The following PLA2G4E variants were observed in gnomAD, a reference collection of about 807,000 sequenced individuals.
PLA2G4E encodes cytosolic phospholipase A2 epsilon.
In PLA2G4E, 84 loss-of-function variants were observed where a neutral mutation model predicts 109.1. The ratio of observed to expected loss-of-function variants is 0.77; its 90% CI spans 0.65 to 0.92. The LOEUF (loss-of-function observed/expected upper bound fraction) is 0.92. Among genes scored for constraint, PLA2G4E ranks in the 40% least tolerant of loss-of-function variants. The pLI, the probability that PLA2G4E is intolerant of heterozygous loss-of-function variation, is 0.00. For synonymous variants in PLA2G4E, 469 were observed against 436.1 expected (o/e 1.08, Z -0.94); for missense variants, 1,057 against 1,076.6 (o/e 0.98, Z 0.25).
intron 2 of PLA2G4E, chr15:42,010,142 C>CCA: frequency 2.2e-6 from 1 of 454,254 alleles, no homozygotes; most frequent in Non-Finnish European, 4.4e-6. Context: ...GCCCCCCCAC[C>CCA]CCGGGCCTGG....
chr15:42,024,109 C>T (rs1193258297), intron 1 of PLA2G4E, among the ~76,000 whole-genome samples: 1 of 147,618 alleles, frequency 6.8e-6, no homozygotes, highest in Non-Finnish European at 1.5e-5. Flanking sequence ...GGTAAATTGG[C>T]CAGTGTGGGC....
In PLA2G4E at chr15:41,990,748, T is replaced by TC. The variant is rs1566836175; in HGVS notation, c.1471-514_1471-513insG. Reference sequence around the variant, plus strand: ...TCCCTCCCCTCCTCTTCCCTTCTTTTTTTTTTTTTTTTTTTTAACAAAAGA... The same window carrying TC: ...TCCCTCCCCTCCTCTTCCCTTCTTTTCTTTTTTTTTTTTTTTTAACAAAAGA... On this transcript the variant is annotated intron_variant, in intron 13 of 19. Coordinates refer to ENST00000399518, the Ensembl canonical transcript of PLA2G4E. 4.0e-4 allele frequency among the ~76,000 whole-genome samples: 53 copies of TC among 132,624 alleles called. 1 individual carries two copies. In the East Asian group the frequency reaches 0.011, roughly 28 times the overall value. 87.0% of individuals were successfully genotyped at this position (132,624 alleles called of 152,430 possible).
At chr15:41,984,499 C>T (rs370275817) in exon 19 of PLA2G4E, 21 of 1,613,812 alleles carry the variant, frequency 1.3e-5, no homozygotes, top group Admixed American at 5.0e-5. Flanking sequence ...ATGGGGGCAT[C>T]GGGTTCCTGG....
exon 20 of PLA2G4E, chr15:41,981,882 G>T (rs2068072407): frequency 6.6e-6 from 1 of 152,212 alleles, no homozygotes; most frequent in Admixed American, 6.5e-5. Context: ...AGTGGCTCAA[G>T]GGAGCACTGA....
chr15:41,987,179 C>T (rs1195110619), exon 17 of PLA2G4E: 1 of 1,613,660 alleles, frequency 6.2e-7, no homozygotes, highest in South Asian at 1.1e-5. Flanking sequence ...TACCTTTCCA[C>T]CTAGAGAACT....
At chr15:42,046,488 T>G (rs1303028529) in intron 1 of PLA2G4E, among the ~76,000 whole-genome samples, 1 of 152,242 alleles carries the variant, frequency 6.6e-6, no homozygotes. Flanking sequence ...TCTGGAATAC[T>G]TGCCATCAAT....
intron 12 of PLA2G4E, among the ~76,000 whole-genome samples, chr15:41,993,530 T>C (rs1234393722): frequency 2.0e-5 from 3 of 152,196 alleles, no homozygotes; most frequent in Non-Finnish European, 4.4e-5. Context: ...ACTGAGGATT[T>C]ATTTCCCTTT....
chr15:42,023,917 T>C (rs2068670627), intron 1 of PLA2G4E, among the ~76,000 whole-genome samples: 1 of 152,206 alleles, frequency 6.6e-6, no homozygotes, highest in South Asian at 2.1e-4. Flanking sequence ...ACATCCTCTG[T>C]GGTGCCTCTG....
chr15:42,016,746 G>A (rs114194127), intron 1 of PLA2G4E, among the ~76,000 whole-genome samples: 3 of 152,154 alleles, frequency 2.0e-5, no homozygotes, highest in African/African-American at 7.2e-5. Context: ...CTTAAAACCA[G>A]GACAAAAGTC....
At chr15:42,004,823 T>C (rs907074150) in intron 5 of PLA2G4E, 115 bp downstream of exon 5, 8 of 1,120,908 alleles carry the variant, frequency 7.1e-6, no homozygotes, top group Middle Eastern at 3.8e-4. Context: ...GTGCCAGGAG[T>C]GAGACTGGAA....
intron 13 of PLA2G4E, among the ~76,000 whole-genome samples, chr15:41,990,746 T>C (rs1167993709): frequency 1.9e-4 from 22 of 113,532 alleles, no homozygotes; most frequent in South Asian, 1.1e-3. Flanking sequence ...CTTCCCTTCT[T>C]TTTTTTTTTT....
rs866850951 is a variant in PLA2G4E at position 42,049,208 on chromosome 15, G to A, written c.183+1313C>T. On this transcript the variant is annotated intron_variant, in intron 1 of 19. Coordinates refer to ENST00000399518, the Ensembl canonical transcript of PLA2G4E. ...GAGACATCAAGGGAAACCCTGGGGC[G>A]GGGCTCTTGACCCCTCTTCACATGT... Among the ~76,000 whole-genome samples the A allele has an allele frequency of 8.7e-4, 132 of 152,156 alleles. 1 individual carries two copies. The highest frequency in any genetic ancestry group is 2.7e-3 in the African/African-American group (111 of 41,440).
exon 1 of PLA2G4E, chr15:42,050,575 G>T: frequency 6.4e-7 from 1 of 1,550,578 alleles, no homozygotes; most frequent in South Asian, 1.2e-5. Flanking sequence ...GAGTGTCCAG[G>T]TCCTGTGTAT....
chr15:42,041,951 G>A (rs944168511), intron 1 of PLA2G4E, among the ~76,000 whole-genome samples: 1 of 152,170 alleles, frequency 6.6e-6, no homozygotes, highest in East Asian at 1.9e-4. Flanking sequence ...TCTCATGGAC[G>A]GGGACAATGG....
At chr15:42,042,858 A>G (rs1429198980) in intron 1 of PLA2G4E, among the ~76,000 whole-genome samples, 1 of 152,224 alleles carries the variant, frequency 6.6e-6, no homozygotes, top group Non-Finnish European at 1.5e-5. Flanking sequence ...ACTGGAGCCC[A>G]GGCCAGCAGG....
At chr15:41,984,106 G>A (rs545000335) in intron 19 of PLA2G4E, 132 bp from the exon 20 acceptor site, 44 of 829,332 alleles carry the variant, frequency 5.3e-5, no homozygotes, top group Non-Finnish European at 7.7e-5. Flanking sequence ...CTGTACACAC[G>A]CACACCCTCA....
In PLA2G4E at chr15:42,006,134, G is replaced by T; in HGVS notation, c.394-13C>A. On this transcript the variant is annotated splice_polypyrimidine_tract_variant and intron_variant, in intron 3 of 19. Transcript: ENST00000399518. Reference sequence around the variant, plus strand: ...ACTCTAGCACGTTCTAGGGGAGAAGGAAGGATGCCAGTCTGGTTACCACGG... The same window carrying T: ...ACTCTAGCACGTTCTAGGGGAGAAGTAAGGATGCCAGTCTGGTTACCACGG... The T allele has an allele frequency of 6.2e-7, 1 of 1,613,270 alleles. No homozygotes were observed. The highest frequency in any genetic ancestry group is 8.5e-7 in the Non-Finnish European group (1 of 1,179,452).
chr15:41,984,697 C>T (rs1306171967), intron 18 of PLA2G4E, 78 bp from the exon 19 acceptor site: 8 of 1,312,646 alleles, frequency 6.1e-6, no homozygotes, highest in Non-Finnish European at 7.1e-6. Flanking sequence ...TTAGCCCCAG[C>T]TTCCTGATTT....
intron 2 of PLA2G4E, among the ~76,000 whole-genome samples, chr15:42,008,688 G>A (rs12438854): frequency 0.38 from 58,124 of 151,996 alleles, 11,654 homozygotes; most frequent in South Asian, 0.57. Flanking sequence ...GCCCAGACTG[G>A]CTCCCTGCTC....
Sources: gnomAD v4.1 joint callset for allele counts (sites outside exome capture counted in the v4.1 genomes callset) on GRCh38, gnomAD v4.1.1 for gene constraint, MANE v1.5 for transcripts, NCBI Gene and HGNC (gene_info 2026-07-23, HGNC 2026-07-21) for gene names.